TRAK1: variants seen among roughly 807,000 people sequenced by gnomAD.
The protein encoded by TRAK1 is trafficking kinesin-binding protein 1.
TRAK1 carries 33 observed loss-of-function variants against 92.1 expected under a neutral mutation model. The observed-to-expected ratio is 0.36, with a 90% CI of 0.27 to 0.48. TRAK1 has a LOEUF of 0.48. Among genes scored for constraint, TRAK1 ranks in the 20% least tolerant of loss-of-function variants. The pLI is 0.99. For synonymous variants in TRAK1, 521 were observed against 517.3 expected (o/e 1.01, Z -0.10); for missense variants, 1,123 against 1,257.9 (o/e 0.89, Z 1.62).
intron 2 of TRAK1, among the ~76,000 whole-genome samples, chr3:42,127,347 CTTTTTTTT>C (rs71741232): frequency 1.6e-5 from 2 of 127,860 alleles, no homozygotes; most frequent in African/African-American, 3.0e-5. Flanking sequence ...CATTCATACA[CTTTTTTTT>C]TTTTTTTTTT....
At chr3:42,149,660 G>T (rs980363631) in intron 2 of TRAK1, 94 of 1,532,260 alleles carry the variant, frequency 6.1e-5, no homozygotes, top group Admixed American at 4.5e-4. Flanking sequence ...CCTTCTGGGT[G>T]GGGGGTGTCC....
chr3:42,111,260 A>C (rs1420393966), intron 1 of TRAK1, among the ~76,000 whole-genome samples: 1 of 152,258 alleles, frequency 6.6e-6, no homozygotes, highest in Non-Finnish European at 1.5e-5. Context: ...ATTCCTGGAC[A>C]CAGGTAGAAC....
chr3:42,182,210 G>A (rs1023287840), intron 3 of TRAK1, among the ~76,000 whole-genome samples: 2 of 152,080 alleles, frequency 1.3e-5, no homozygotes, highest in South Asian at 2.1e-4. Context: ...TGAGAGGGCC[G>A]TCTCCACATG....
chr3:42,091,912 G>A (rs1246433682), intron 1 of TRAK1, among the ~76,000 whole-genome samples: 1 of 152,082 alleles, frequency 6.6e-6, no homozygotes, highest in African/African-American at 2.4e-5. Context: ...TGCAGTGGGT[G>A]GACAGGGTTT....
chr3:42,178,879 G>A (rs1331031601), intron 3 of TRAK1, among the ~76,000 whole-genome samples: 3 of 152,224 alleles, frequency 2.0e-5, no homozygotes, highest in East Asian at 1.9e-4. Flanking sequence ...GGAGGCTGAG[G>A]TAGGAGGATC....
chr3:42,115,657 C>T (rs1425780185), intron 1 of TRAK1, among the ~76,000 whole-genome samples: 1 of 152,190 alleles, frequency 6.6e-6, no homozygotes, highest in Non-Finnish European at 1.5e-5. Context: ...TGTTGGTTTT[C>T]GTTCCTGTCT....
chr3:42,213,206 C>T (rs1292021348), intron 14 of TRAK1, among the ~76,000 whole-genome samples: 3 of 152,038 alleles, frequency 2.0e-5, no homozygotes, highest in East Asian at 3.9e-4. Flanking sequence ...TATAGGCACA[C>T]GTCACCATTC....
At chr3:42,171,261 C>T (rs1023847795) in intron 2 of TRAK1, among the ~76,000 whole-genome samples, 4 of 152,160 alleles carry the variant, frequency 2.6e-5, no homozygotes, top group Non-Finnish European at 5.9e-5. Flanking sequence ...ATATGTAGAG[C>T]TGACATCAAT....
chr3:42,063,091 C>G (rs546774428), intron 1 of TRAK1, among the ~76,000 whole-genome samples: 81 of 152,332 alleles, frequency 5.3e-4, no homozygotes, highest in African/African-American at 1.9e-3. Flanking sequence ...TGCTTATTCT[C>G]ACAGACCATG....
chr3:42,115,129 T>G (rs1709008219), intron 1 of TRAK1, among the ~76,000 whole-genome samples: 1 of 152,250 alleles, frequency 6.6e-6, no homozygotes, highest in Non-Finnish European at 1.5e-5. Flanking sequence ...TTGAGTATTC[T>G]CCTGGAGATT....
At chr3:42,019,296 T>A (rs1056559753) in intron 1 of TRAK1, among the ~76,000 whole-genome samples, 2 of 152,176 alleles carry the variant, frequency 1.3e-5, no homozygotes, top group South Asian at 2.1e-4. Context: ...GTGCTTTTTT[T>A]AGAGATAGAA....
chr3:42,077,893 AAG>A (rs904842088), intron 1 of TRAK1, among the ~76,000 whole-genome samples: 25 of 152,294 alleles, frequency 1.6e-4, no homozygotes, highest in African/African-American at 5.5e-4. Context: ...ATTGTCTGTG[AAG>A]AGAGAGAGCG....
chr3:42,060,496 C>T (rs1039706002), intron 1 of TRAK1, among the ~76,000 whole-genome samples: 6 of 152,004 alleles, frequency 3.9e-5, no homozygotes, highest in Non-Finnish European at 8.8e-5. Flanking sequence ...TAGAGGAGTG[C>T]CTCTTTTTCC....
At chr3:42,124,611 G>A (rs1045378419) in intron 1 of TRAK1, among the ~76,000 whole-genome samples, 2 of 152,208 alleles carry the variant, frequency 1.3e-5, no homozygotes, top group Non-Finnish European at 2.9e-5. Context: ...GAGCTATGGG[G>A]TACAGGTGGT....
upstream of TRAK1, among the ~76,000 whole-genome samples, chr3:42,090,517 C>G (rs971883608): frequency 1.3e-5 from 2 of 152,146 alleles, no homozygotes; most frequent in Admixed American, 6.5e-5. Context: ...GAAACCCCGT[C>G]TCTACTAAAA....
chr3:42,222,267 C>T (rs562034686), intron 15 of TRAK1, among the ~76,000 whole-genome samples: 9 of 151,280 alleles, frequency 5.9e-5, no homozygotes, highest in South Asian at 4.2e-4. Flanking sequence ...CATGTCTCCC[C>T]GCGACCCTCT....
At chr3:42,118,990 C>G (rs1287948454) in intron 1 of TRAK1, among the ~76,000 whole-genome samples, 1 of 152,148 alleles carries the variant, frequency 6.6e-6, no homozygotes, top group Non-Finnish European at 1.5e-5. Context: ...GGGCATGTGT[C>G]TGTCCTGGAC....
At chr3:42,037,942 C>T (rs989649656) in intron 1 of TRAK1, among the ~76,000 whole-genome samples, 4 of 152,154 alleles carry the variant, frequency 2.6e-5, no homozygotes, top group African/African-American at 7.2e-5. Flanking sequence ...GTGAGGGGTT[C>T]GAGTCCAGAT....
chr3:42,038,446 G>A (rs1702405023), intron 1 of TRAK1, among the ~76,000 whole-genome samples: 1 of 152,094 alleles, frequency 6.6e-6, no homozygotes, highest in Non-Finnish European at 1.5e-5. Flanking sequence ...CACCTCAGCT[G>A]GGACCACAGG....
Sources: gnomAD v4.1 joint callset for allele counts (sites outside exome capture counted in the v4.1 genomes callset) on GRCh38, gnomAD v4.1.1 for gene constraint, MANE v1.5 for transcripts, NCBI Gene and HGNC (gene_info 2026-07-23, HGNC 2026-07-21) for gene names.